The following PATJ variants were observed in gnomAD, a reference collection of about 807,000 sequenced individuals.
PATJ encodes the protein inaD-like protein.
A neutral mutation model predicts 224.9 loss-of-function variants in PATJ; 190 were observed. The observed-to-expected ratio is 0.84, with a 90% CI of 0.75 to 0.95. The LOEUF (loss-of-function observed/expected upper bound fraction) is 0.95, where lower values mean the gene tolerates loss of function less well. Among genes scored for constraint, PATJ ranks in the 40% least tolerant of loss-of-function variants. The pLI is 0.00. For synonymous variants in PATJ, 769 were observed against 820.3 expected, an observed-to-expected ratio of 0.94 and a Z score of 1.07; for missense variants, 2,121 against 2,270.3, an observed-to-expected ratio of 0.93 and a Z score of 1.34.
chr1:61,894,250 A>G lies in PATJ; in HGVS notation c.3132-5333A>G, dbSNP rs1670016584. Among the ~76,000 whole-genome samples, 4 of 147,440 alleles carry G rather than the reference A, an allele frequency of 2.7e-5. 1 individual carries two copies. In the South Asian group the frequency reaches 8.9e-4, roughly 33 times the overall value. ...GCCTGGGCAACAAGAGCGAAACTCT[A>G]TCTCATAAAAAAAAAAAAACACAAA... On this transcript the variant is annotated intron_variant, in intron 22 of 43. Coordinates refer to ENST00000642238, the MANE Select transcript of PATJ (RefSeq NM_001350145.3).
rs913987448 is a variant in PATJ, at chr1:61,864,690, T to C, written c.2835+57T>C. 21 of 1,452,474 alleles carry C rather than the reference T, an allele frequency of 1.4e-5. No individual in the cohort carries two copies. In the African/African-American group the frequency reaches 2.8e-4, roughly 19 times the overall value. 90.0% of individuals were successfully genotyped at this position (1,452,474 alleles called of 1,614,324 possible). A position where few individuals can be genotyped will look rare whatever the true frequency, so the allele number is the denominator to read the frequency against. On this transcript the variant is annotated intron_variant, in intron 20 of 43. Transcript: ENST00000642238. ...CCCTTCTGCTCTCCTCGCCTGTCCC[T>C]GTCTCTAACTCATGTCACTTCAATG...
In PATJ at chr1:61,822,994, A is replaced by C. The variant is rs1349896414; in HGVS notation, c.1733A>C (p.Asp578Ala). Residue 578 changes from aspartate to alanine, a missense_variant, in exon 15 of 44, where the codon GAT becomes GCT. By Grantham distance (126) the Asp-to-Ala change is moderately radical (BLOSUM62 -2). Coordinates refer to ENST00000642238, the MANE Select transcript of PATJ (RefSeq NM_001350145.3). ...LRLGVEVDSF[D>A]GHHYISSIVS... Reference sequence around the variant, plus strand: ...CTTGGTGTGGAAGTGGATTCCTTTGATGGGCACCATTATATTTCTTCAATT... The same window carrying C: ...CTTGGTGTGGAAGTGGATTCCTTTGCTGGGCACCATTATATTTCTTCAATT... 3.1e-6 allele frequency: 5 copies of C among 1,614,010 alleles called. No individual in the cohort carries two copies. The highest frequency in any genetic ancestry group is 4.2e-6 in the Non-Finnish European group (5 of 1,179,956).
chr1:62,025,496 G>A (rs1490314779), intron 29 of PATJ, among the ~76,000 whole-genome samples: 2 of 152,188 alleles, frequency 1.3e-5, no homozygotes, highest in South Asian at 4.1e-4. Context: ...GGGAATAGCT[G>A]AGAGTATCTA....
intron 1 of PATJ, among the ~76,000 whole-genome samples, chr1:61,750,537 G>T (rs1318757630): frequency 1.3e-5 from 2 of 151,598 alleles, no homozygotes. Context: ...CCGGGTTCGG[G>T]TGATTCTCCT....
intron 27 of PATJ, among the ~76,000 whole-genome samples, chr1:61,984,148 A>AATT (rs71577219): frequency 0.025 from 3,581 of 141,188 alleles, 82 homozygotes; most frequent in Non-Finnish European, 0.033. Flanking sequence ...AAATACGCTC[A>AATT]ATTATTATTA....
At chr1:61,769,133 G>A in intron 4 of PATJ, 150 bp from the exon 5 acceptor site, 1 of 687,714 alleles carries the variant, frequency 1.5e-6, no homozygotes, top group Non-Finnish European at 2.3e-6. Flanking sequence ...TCAGGTGAGA[G>A]GATTTCCAGA....
At chr1:62,128,442 G>T (rs1442199698) in intron 40 of PATJ, 1 of 275,434 alleles carries the variant, frequency 3.6e-6, no homozygotes, top group Non-Finnish European at 6.9e-6. Context: ...CCATTTTTAT[G>T]ATTTCTCCCC....
At chr1:61,748,821 T>TA (rs1645168831) in intron 1 of PATJ, among the ~76,000 whole-genome samples, 1 of 152,076 alleles carries the variant, frequency 6.6e-6, no homozygotes, top group Non-Finnish European at 1.5e-5. Flanking sequence ...CACGCTCAGC[T>TA]AGTTTTTGTT....
intron 14 of PATJ, among the ~76,000 whole-genome samples, chr1:61,817,351 T>A (rs1333712154): frequency 6.6e-6 from 1 of 152,214 alleles, no homozygotes; most frequent in Non-Finnish European, 1.5e-5. Context: ...TTACACATTT[T>A]TTGAACATTC....
chr1:62,015,529 A>G, intron 28 of PATJ, among the ~76,000 whole-genome samples: 1 of 151,844 alleles, frequency 6.6e-6, no homozygotes, highest in East Asian at 1.9e-4. Flanking sequence ...TATGAGATTG[A>G]TGATTTCGTG....
chr1:61,810,699 AAAATAAATAAAT>A lies in PATJ; in HGVS notation c.1683+2205_1683+2216del, dbSNP rs141039243. On this transcript the variant is annotated intron_variant, in intron 14 of 43. Coordinates refer to ENST00000642238, the MANE Select transcript of PATJ (RefSeq NM_001350145.3). Reference sequence around the variant, plus strand: ...GCAACAGAGCGAGACTCTGTCTCAAAAAATAAATAAATAAATAAATAAATAAATAAATAAATA... The same window carrying A: ...GCAACAGAGCGAGACTCTGTCTCAAAAAATAAATAAATAAATAAATAAATA... Among the ~76,000 whole-genome samples the A allele has an allele frequency of 5.4e-3, 785 of 144,072 alleles. 8 individuals are homozygous for A. Among genetic ancestry groups the A allele is most frequent in the African/African-American group, 0.012 (484 of 38,866 alleles). 94.5% of individuals were successfully genotyped at this position (144,072 alleles called of 152,430 possible).
At chr1:62,110,345 G>C (rs1020748098) in intron 34 of PATJ, among the ~76,000 whole-genome samples, 2 of 152,182 alleles carry the variant, frequency 1.3e-5, no homozygotes, top group African/African-American at 2.4e-5. Context: ...CCCACAGGAG[G>C]CCTTGAGAAG....
At chr1:62,118,930 C>A (rs996689838) in intron 37 of PATJ, among the ~76,000 whole-genome samples, 1 of 151,942 alleles carries the variant, frequency 6.6e-6, no homozygotes, top group African/African-American at 2.4e-5. Context: ...CCGCGCCCAG[C>A]CGCATCTTCA....
At chr1:61,827,370 G>A (rs989439688) in intron 15 of PATJ, 52 bp from the exon 16 acceptor site, 37 of 1,456,904 alleles carry the variant, frequency 2.5e-5, no homozygotes, top group Non-Finnish European at 3.4e-5. Context: ...AGAGATTTTT[G>A]TTTTTTCATT....
chr1:61,933,770 C>CTT (rs1308434597), intron 27 of PATJ, among the ~76,000 whole-genome samples: 1 of 152,124 alleles, frequency 6.6e-6, no homozygotes, highest in Admixed American at 6.5e-5. Context: ...CAAGGCTGAC[C>CTT]TTTTACCTTC....
intron 28 of PATJ, among the ~76,000 whole-genome samples, chr1:62,002,962 G>A (rs75383097): frequency 9.2e-5 from 14 of 152,242 alleles, no homozygotes; most frequent in Non-Finnish European, 1.9e-4. Context: ...GGAAAGTCTT[G>A]ACTGGTAGCA....
At chr1:61,769,203 T>C (rs1054763243) in intron 4 of PATJ, 80 bp from the exon 5 acceptor site, 104 of 1,422,266 alleles carry the variant, frequency 7.3e-5, no homozygotes, top group East Asian at 2.3e-5. Context: ...GCTTTTATGC[T>C]AAGCAATTTC....
chr1:62,029,088 G>A (rs1010176642), intron 29 of PATJ, among the ~76,000 whole-genome samples: 2 of 152,020 alleles, frequency 1.3e-5, no homozygotes, highest in African/African-American at 2.4e-5. Flanking sequence ...TTTGATTACC[G>A]TAGCTTTGCA....
intron 27 of PATJ, chr1:61,952,558 G>A (rs1679873094): frequency 1.5e-6 from 1 of 653,312 alleles, no homozygotes; most frequent in Non-Finnish European, 2.9e-6. Context: ...GGGCACATAT[G>A]CATGTGCAAG....
Sources: allele counts gnomAD v4.1 joint callset (sites outside exome capture counted in the v4.1 genomes callset), GRCh38; gene constraint gnomAD v4.1.1; transcripts MANE v1.5; gene names NCBI Gene and HGNC (gene_info 2026-07-23, HGNC 2026-07-21).